MSANTD7: variants seen among roughly 807,000 people sequenced by gnomAD.
MSANTD7 encodes the protein zinc finger and SCAN domain containing 29.
the MSANTD7 span, chr10:14,842,946 G>A: frequency 5.5e-6 from 5 of 904,192 alleles, no homozygotes; most frequent in Non-Finnish European, 8.1e-6. This position sits in a 1 kb window ranked among gnomAD's most constrained non-coding sequence, Gnocchi z 5.2. Flanking sequence ...CATAGTTCCT[G>A]TTTCTGCCTC....
chr10:14,839,260 T>A, the MSANTD7 span, among the ~76,000 whole-genome samples: 1 of 152,194 alleles, frequency 6.6e-6, no homozygotes, highest in Non-Finnish European at 1.5e-5. Context: ...AAGGGAATAA[T>A]ACTACTTCAT....
At chr10:14,844,087 T>C in the MSANTD7 span, 1 of 1,413,648 alleles carries the variant, frequency 7.1e-7, no homozygotes, top group Non-Finnish European at 9.2e-7. Flanking sequence ...CTTTCAGAAA[T>C]GCCAGGGGTG....
chr10:14,844,173 A>T, the MSANTD7 span: 20 of 1,250,238 alleles, frequency 1.6e-5, no homozygotes, highest in South Asian at 3.3e-4. Flanking sequence ...GAAGCAGTTT[A>T]CCTCCCTCCA....
the MSANTD7 span, chr10:14,842,531 A>G: frequency 6.5e-7 from 1 of 1,536,176 alleles, no homozygotes; most frequent in Non-Finnish European, 8.7e-7. The surrounding 1 kb of genome is among the most constrained non-coding windows in gnomAD (Gnocchi z 5.2). Flanking sequence ...CCATGCCACA[A>G]GTATGGGTGA....
At chr10:14,843,584 C>G in the MSANTD7 span, 1 of 1,550,574 alleles carries the variant, frequency 6.4e-7, no homozygotes, top group Non-Finnish European at 8.7e-7. Context: ...GGGGATAGGC[C>G]CTTGACCAGT....
At chr10:14,839,580 A>C in the MSANTD7 span, among the ~76,000 whole-genome samples, 3 of 152,234 alleles carry the variant, frequency 2.0e-5, no homozygotes, top group African/African-American at 7.2e-5. Context: ...CCAAAAAAAA[A>C]AAAAAAAGAA....
At chr10:14,845,023 CTT>C in the MSANTD7 span, 1 of 985,436 alleles carries the variant, frequency 1.0e-6, no homozygotes, top group African/African-American at 1.7e-5. Context: ...TTTGTTTCCT[CTT>C]TAACTTTGGG....
the MSANTD7 span, chr10:14,844,561 G>A: frequency 1.0e-6 from 1 of 985,510 alleles, no homozygotes; most frequent in Admixed American, 6.1e-5. Flanking sequence ...ATATCTACTA[G>A]TAAGCACTGT....
the MSANTD7 span, chr10:14,844,655 G>T: frequency 1.0e-6 from 1 of 982,212 alleles, no homozygotes; most frequent in Non-Finnish European, 1.2e-6. Flanking sequence ...CCAGGGAGCC[G>T]CCATTGTGTG....
the MSANTD7 span, chr10:14,844,098 A>G: frequency 7.2e-7 from 1 of 1,398,462 alleles, no homozygotes; most frequent in Non-Finnish European, 9.3e-7. Context: ...GCCAGGGGTG[A>G]CCTAATAGAA....
chr10:14,845,938 C>G, the MSANTD7 span: 7 of 801,800 alleles, frequency 8.7e-6, no homozygotes, highest in Non-Finnish European at 1.1e-5. Context: ...CCTTCCAGCT[C>G]TAAAAAAATT....
At chr10:14,840,141 C>A in the MSANTD7 span, 2 of 1,452,684 alleles carry the variant, frequency 1.4e-6, no homozygotes, top group Non-Finnish European at 1.8e-6. Context: ...GAAAGTAAAG[C>A]AGATCCTGGG....
At chr10:14,844,593 C>T in the MSANTD7 span, 128 of 985,302 alleles carry the variant, frequency 1.3e-4, no homozygotes, top group Non-Finnish European at 1.5e-4. Flanking sequence ...GTCTTTCTCT[C>T]CTTCATTTTA....
chr10:14,838,686 G>T, the MSANTD7 span: 2 of 505,618 alleles, frequency 4.0e-6, no homozygotes, highest in Non-Finnish European at 3.5e-6. Context: ...CGATGTAGAC[G>T]CGCGGGGTCC....
chr10:14,846,975 C>T, the MSANTD7 span: 4 of 985,230 alleles, frequency 4.1e-6, no homozygotes, highest in African/African-American at 5.2e-5. Context: ...CTGGTGTGGA[C>T]AAATAAAGTT....
At chr10:14,842,121 T>C in the MSANTD7 span, 7 of 1,525,214 alleles carry the variant, frequency 4.6e-6, no homozygotes, top group African/African-American at 9.6e-5. The surrounding 1 kb of genome is among the most constrained non-coding windows in gnomAD (Gnocchi z 5.2). Context: ...CTCATTCCCC[T>C]GTGGCCTTCC....
chr10:14,846,223 A>ATAGG, the MSANTD7 span: 110 of 985,188 alleles, frequency 1.1e-4, no homozygotes, highest in Middle Eastern at 1.0e-3. Context: ...TGTGTCAATT[A>ATAGG]TAGGTAGGTA....
At chr10:14,842,159 C>T in the MSANTD7 span, 17 of 1,534,692 alleles carry the variant, frequency 1.1e-5, no homozygotes, top group Admixed American at 3.3e-4. The surrounding 1 kb of genome is among the most constrained non-coding windows in gnomAD (Gnocchi z 5.2). Context: ...TTGGACCTGG[C>T]TTCTCAGCAA....
chr10:14,839,819 C>T, the MSANTD7 span: 3 of 916,322 alleles, frequency 3.3e-6, no homozygotes, highest in Admixed American at 6.5e-5. Context: ...TTTCTTTCCA[C>T]ACAGATGGCA....
Sources: gnomAD v4.1 joint callset for allele counts (sites outside exome capture counted in the v4.1 genomes callset) on GRCh38, gnomAD v4.1.1 for gene constraint, Gnocchi (gnomAD v3.1) non-coding constraint, MANE v1.5 for transcripts, NCBI Gene and HGNC (gene_info 2026-07-23, HGNC 2026-07-21) for gene names.